Variants in CSMD3 observed in about 807,000 individuals in gnomAD.
CSMD3 encodes CUB and sushi domain-containing protein 3.
In CSMD3, 177 loss-of-function variants were observed where a neutral mutation model predicts 435.2. That is an observed-to-expected ratio of 0.41 (90% CI 0.36 to 0.46). CSMD3 has a LOEUF of 0.46. Among genes scored for constraint, CSMD3 ranks in the 20% least tolerant of loss-of-function variants. The pLI is 0.34. For synonymous variants in CSMD3, 1,656 were observed against 1,520.5 expected, an observed-to-expected ratio of 1.09 and a Z score of -2.07; for missense variants, 4,265 against 4,504.6, an observed-to-expected ratio of 0.95 and a Z score of 1.52.
chr8:113,181,246 T>C (rs1010968438), intron 3 of CSMD3, among the ~76,000 whole-genome samples: 1 of 151,982 alleles, frequency 6.6e-6, no homozygotes, highest in Admixed American at 6.6e-5. Flanking sequence ...AAAAAATATT[T>C]AGATAAGTCT....
chr8:112,537,027 G>T (rs985202872), intron 27 of CSMD3, among the ~76,000 whole-genome samples: 1 of 151,984 alleles, frequency 6.6e-6, no homozygotes, highest in Non-Finnish European at 1.5e-5. Context: ...TTTGGGGTAG[G>T]GGGAAGGGGG....
intron 12 of CSMD3, among the ~76,000 whole-genome samples, chr8:112,806,496 A>G (rs1036839564): frequency 5.3e-5 from 8 of 152,174 alleles, no homozygotes; most frequent in Non-Finnish European, 8.8e-5. Context: ...GCTATCTTAC[A>G]AGTGCAAAAA....
At chr8:113,145,489 T>G (rs895655311) in intron 4 of CSMD3, among the ~76,000 whole-genome samples, 8 of 151,606 alleles carry the variant, frequency 5.3e-5, no homozygotes, top group Non-Finnish European at 8.9e-5. Context: ...TTATCATTAG[T>G]GTTGCCATGG....
At chr8:112,835,503 C>G (rs1361937295) in intron 11 of CSMD3, among the ~76,000 whole-genome samples, 1 of 151,864 alleles carries the variant, frequency 6.6e-6, no homozygotes, top group Admixed American at 6.6e-5. Context: ...GAATATCCTC[C>G]TTTTGTCTGG....
At chr8:113,382,774 G>A (rs1198605382) in intron 1 of CSMD3, among the ~76,000 whole-genome samples, 1 of 151,984 alleles carries the variant, frequency 6.6e-6, no homozygotes, top group Non-Finnish European at 1.5e-5. Flanking sequence ...GAGGTCAGGA[G>A]TTCCACACCA....
intron 22 of CSMD3, among the ~76,000 whole-genome samples, chr8:112,616,003 C>T (rs1295784148): frequency 6.6e-6 from 1 of 152,094 alleles, no homozygotes; most frequent in Non-Finnish European, 1.5e-5. Context: ...GTGCCACCAT[C>T]GAAATGGTAA....
chr8:112,960,173 C>A (rs116690851), intron 7 of CSMD3, among the ~76,000 whole-genome samples: 2 of 150,386 alleles, frequency 1.3e-5, no homozygotes, highest in Non-Finnish European at 3.0e-5. Context: ...TCAGCAAGTA[C>A]AAAAATTTAA....
intron 63 of CSMD3, 97 bp downstream of exon 63, chr8:112,254,156 C>T: frequency 1.2e-6 from 1 of 865,942 alleles, no homozygotes; most frequent in Non-Finnish European, 2.0e-6. Flanking sequence ...GCAGATAGAA[C>T]ATGACTTTTT....
chr8:112,745,921 A>T (rs2077415226), intron 13 of CSMD3, among the ~76,000 whole-genome samples: 1 of 151,842 alleles, frequency 6.6e-6, no homozygotes, highest in African/African-American at 2.4e-5. Context: ...CATTTTGCTA[A>T]TTTTTTTTCT....
At chr8:112,809,083 C>T (rs1587359528) in intron 12 of CSMD3, among the ~76,000 whole-genome samples, 1 of 152,176 alleles carries the variant, frequency 6.6e-6, no homozygotes, top group Non-Finnish European at 1.5e-5. Flanking sequence ...CCCCTTTGAA[C>T]TAATGGTTGC....
At chr8:112,557,123 T>C (rs889355203) in intron 24 of CSMD3, among the ~76,000 whole-genome samples, 169 bp from the exon 25 acceptor site, 1 of 151,978 alleles carries the variant, frequency 6.6e-6, no homozygotes, top group Admixed American at 6.6e-5. Context: ...CAGACCTTTT[T>C]TTTTCTTGAA....
chr8:113,118,013 T>C (rs144187033), intron 4 of CSMD3, among the ~76,000 whole-genome samples: 324 of 152,316 alleles, frequency 2.1e-3, no homozygotes, highest in East Asian at 0.012. Context: ...ATCGGACTTT[T>C]TGGGTTACTG....
At chr8:112,952,737 G>A (rs1421788727) in intron 8 of CSMD3, among the ~76,000 whole-genome samples, 1 of 151,282 alleles carries the variant, frequency 6.6e-6, no homozygotes, top group Non-Finnish European at 1.5e-5. Flanking sequence ...TATTTAAAAA[G>A]ATTTTTATAG....
At chr8:113,179,814 AT>A (rs1281840104) in intron 3 of CSMD3, among the ~76,000 whole-genome samples, 1 of 151,518 alleles carries the variant, frequency 6.6e-6, no homozygotes, top group Non-Finnish European at 1.5e-5. Flanking sequence ...CTACCAAGAA[AT>A]TTTTAAAAAA....
At chr8:113,206,165 A>G (rs1484674729) in intron 3 of CSMD3, among the ~76,000 whole-genome samples, 2 of 152,022 alleles carry the variant, frequency 1.3e-5, no homozygotes, top group Admixed American at 1.3e-4. Context: ...GCTGACCCCC[A>G]AGAACGAGAC....
At chr8:112,982,788 T>A (rs2085101294) in intron 6 of CSMD3, among the ~76,000 whole-genome samples, 1 of 151,990 alleles carries the variant, frequency 6.6e-6, no homozygotes, top group Non-Finnish European at 1.5e-5. Flanking sequence ...CTAAATATAT[T>A]ACCTTCTTTC....
chr8:112,709,792 G>C (rs2076572823), intron 13 of CSMD3, among the ~76,000 whole-genome samples: 1 of 152,018 alleles, frequency 6.6e-6, no homozygotes. Context: ...AAAACGAAAA[G>C]AGGCTTAATT....
intron 28 of CSMD3, among the ~76,000 whole-genome samples, chr8:112,515,048 C>CT (rs983670314): frequency 3.6e-4 from 53 of 149,064 alleles, no homozygotes; most frequent in Admixed American, 1.5e-3. Flanking sequence ...TAGTACTCAG[C>CT]TTTTTTTTTT....
intron 4 of CSMD3, 23 bp from the exon 5 acceptor site, chr8:113,098,986 C>A (rs751947994): frequency 1.4e-6 from 2 of 1,459,126 alleles, no homozygotes; most frequent in South Asian, 1.1e-5. Context: ...ACAAAATATT[C>A]AGTTGTAAGT....
Sources: allele counts gnomAD v4.1 joint callset (sites outside exome capture counted in the v4.1 genomes callset), GRCh38; gene constraint gnomAD v4.1.1; transcripts MANE v1.5; gene names NCBI Gene and HGNC (gene_info 2026-07-23, HGNC 2026-07-21).